Variants in IL1RAPL1 observed in about 807,000 individuals in gnomAD.
IL1RAPL1 encodes interleukin 1 receptor accessory protein like 1, also known as interleukin-1 receptor accessory protein-like 1.
IL1RAPL1 carries 3 observed loss-of-function variants against 48.4 expected under a neutral mutation model. The observed-to-expected ratio is 0.06, with a 90% CI of 0.03 to 0.16. The LOEUF is 0.16. IL1RAPL1 is among the 10% of genes least tolerant of loss of function. The pLI is 1.00. For missense variants in IL1RAPL1, 349 were observed against 530.6 expected, an observed-to-expected ratio of 0.66 and a Z score of 3.36; for synonymous variants, 185 against 187.7, an observed-to-expected ratio of 0.99 and a Z score of 0.12.
At chrX:29,940,962 T>C (rs759049314) in intron 8 of IL1RAPL1, among the ~76,000 whole-genome samples, 2 of 112,453 alleles carry the variant, frequency 1.8e-5, no homozygotes, top group East Asian at 5.6e-4. Flanking sequence ...CAAAAAGCAT[T>C]CAGCCTCCAA....
At chrX:28,903,491 G>C (rs909696737) in intron 2 of IL1RAPL1, among the ~76,000 whole-genome samples, 1 of 105,394 alleles carries the variant, frequency 9.5e-6, no homozygotes, top group Non-Finnish European at 1.9e-5. Flanking sequence ...ATGTATTTTC[G>C]ATACAAGCCG....
intron 1 of IL1RAPL1, among the ~76,000 whole-genome samples, 176 bp from the exon 2 acceptor site, chrX:28,789,144 G>A (rs1483075218): frequency 5.4e-5 from 6 of 111,720 alleles, no homozygotes; most frequent in Non-Finnish European, 9.4e-5. Context: ...TACCAGTTTC[G>A]ATTTAACTTA....
At chrX:28,852,949 C>T (rs1449246506) in intron 2 of IL1RAPL1, among the ~76,000 whole-genome samples, 9 of 110,283 alleles carry the variant, frequency 8.2e-5, no homozygotes, top group Non-Finnish European at 1.1e-4. Flanking sequence ...ACTGAGAACT[C>T]TTTATTATTA....
intron 5 of IL1RAPL1, among the ~76,000 whole-genome samples, chrX:29,644,401 C>T (rs1381890115): frequency 8.9e-6 from 1 of 111,989 alleles, no homozygotes; most frequent in Non-Finnish European, 1.9e-5. Flanking sequence ...GATACATTGT[C>T]TTCTGCACCT....
intron 6 of IL1RAPL1, among the ~76,000 whole-genome samples, chrX:29,752,411 G>T (rs1254393909): frequency 2.9e-5 from 3 of 102,379 alleles, no homozygotes; most frequent in African/African-American, 1.1e-4. Context: ...CAGGAGAATC[G>T]CTTGAACCCA....
chrX:29,612,915 T>G (rs759130906), intron 5 of IL1RAPL1, among the ~76,000 whole-genome samples: 146 of 112,360 alleles, frequency 1.3e-3, no homozygotes, highest in African/African-American at 4.5e-3. Context: ...GAAACTGTCC[T>G]AGGTACTGAG....
chrX:28,953,842 C>T (rs1924533620), intron 2 of IL1RAPL1, among the ~76,000 whole-genome samples: 1 of 111,290 alleles, frequency 9.0e-6, no homozygotes, highest in South Asian at 3.7e-4. Flanking sequence ...TACAAGACTA[C>T]TTTCTGTCAG....
chrX:29,920,851 A>C (rs1477027921), intron 8 of IL1RAPL1, among the ~76,000 whole-genome samples: 1 of 108,731 alleles, frequency 9.2e-6, no homozygotes, highest in Non-Finnish European at 1.9e-5. Context: ...AAAAAAAAAA[A>C]ACAACTAAAT....
intron 1 of IL1RAPL1, among the ~76,000 whole-genome samples, chrX:28,780,800 T>C (rs1375786400): frequency 1.8e-5 from 2 of 110,398 alleles, no homozygotes; most frequent in Admixed American, 9.8e-5. Flanking sequence ...GTCATTTTTC[T>C]ATTATTAATA....
At chrX:28,591,187 T>C (rs1468658197) in intron 1 of IL1RAPL1, among the ~76,000 whole-genome samples, 3 of 112,175 alleles carry the variant, frequency 2.7e-5, no homozygotes, top group African/African-American at 9.7e-5. Flanking sequence ...CATTTATGAA[T>C]ATGAAAGCTA....
chrX:28,824,576 C>T (rs951630574), intron 2 of IL1RAPL1, among the ~76,000 whole-genome samples: 16 of 111,217 alleles, frequency 1.4e-4, no homozygotes, highest in African/African-American at 5.2e-4. Flanking sequence ...GTCCTATCCT[C>T]CTACCACACC....
At chrX:29,058,270 G>C (rs774343563) in intron 2 of IL1RAPL1, among the ~76,000 whole-genome samples, 1 of 110,424 alleles carries the variant, frequency 9.1e-6, no homozygotes, top group African/African-American at 3.3e-5. Context: ...CCAGCTACTC[G>C]GGAGGCTATG....
At chrX:28,835,885 TA>T (rs1921192924) in intron 2 of IL1RAPL1, among the ~76,000 whole-genome samples, 1 of 111,368 alleles carries the variant, frequency 9.0e-6, no homozygotes, top group Non-Finnish European at 1.9e-5. Flanking sequence ...TTGTTTCCTT[TA>T]AATCTTTAAA....
chrX:28,978,493 A>C (rs369540155), intron 2 of IL1RAPL1, among the ~76,000 whole-genome samples: 1 of 112,176 alleles, frequency 8.9e-6, no homozygotes, highest in Non-Finnish European at 1.9e-5. Context: ...AGAGCATTTA[A>C]AAATTCCAAA....
At chrX:29,360,143 G>A (rs1158581046) in intron 3 of IL1RAPL1, among the ~76,000 whole-genome samples, 1 of 111,911 alleles carries the variant, frequency 8.9e-6, no homozygotes, top group African/African-American at 3.2e-5. Flanking sequence ...TTATGTGCTA[G>A]GCATTGTGCT....
intron 3 of IL1RAPL1, among the ~76,000 whole-genome samples, chrX:29,284,746 AAAAT>A (rs2147601007): frequency 8.9e-6 from 1 of 112,052 alleles, no homozygotes; most frequent in Non-Finnish European, 1.9e-5. Context: ...CTCTGTCTCA[AAAAT>A]AAATAAATAA....
chrX:29,809,272 A>ATTTTTTTT (rs145317655), intron 6 of IL1RAPL1, among the ~76,000 whole-genome samples: 1 of 91,901 alleles, frequency 1.1e-5, no homozygotes, highest in African/African-American at 4.0e-5. Flanking sequence ...AATTTTTTGC[A>ATTTTTTTT]TTTTTTTTTT....
intron 1 of IL1RAPL1, among the ~76,000 whole-genome samples, chrX:28,705,140 A>G (rs1935360475): frequency 9.0e-6 from 1 of 111,722 alleles, no homozygotes; most frequent in Non-Finnish European, 1.9e-5. Flanking sequence ...AGATGGTGAC[A>G]TTGTAATTAA....
At chrX:29,392,723 TA>T (rs754385437) in intron 3 of IL1RAPL1, among the ~76,000 whole-genome samples, 1 of 112,035 alleles carries the variant, frequency 8.9e-6, no homozygotes, top group Non-Finnish European at 1.9e-5. Flanking sequence ...CATTTGTATT[TA>T]AAGAAGAGAA....
Sources: allele counts gnomAD v4.1 joint callset (sites outside exome capture counted in the v4.1 genomes callset), GRCh38; gene constraint gnomAD v4.1.1; transcripts MANE v1.5; gene names NCBI Gene and HGNC (gene_info 2026-07-23, HGNC 2026-07-21).